The following TPP2 variants were observed in gnomAD, a reference collection of about 807,000 sequenced individuals.
TPP2 encodes tripeptidyl-peptidase 2.
Under a neutral mutation model 155.9 loss-of-function variants are expected in TPP2, and 34 were observed. The observed-to-expected ratio is 0.22, with a 90% CI of 0.17 to 0.29. The LOEUF (loss-of-function observed/expected upper bound fraction) is 0.29, where lower values mean the gene tolerates loss of function less well. TPP2 is among the 10% of genes least tolerant of loss of function. TPP2 has a pLI of 1.00. For synonymous variants in TPP2, 510 were observed against 529.4 expected, an observed-to-expected ratio of 0.96 and a Z score of 0.50; for missense variants, 1,028 against 1,522.3, an observed-to-expected ratio of 0.68 and a Z score of 5.40.
chr13:102,655,085 A>G (rs1351024619), intron 24 of TPP2: 19 of 468,504 alleles, frequency 4.1e-5, no homozygotes, highest in Non-Finnish European at 8.2e-5. Context: ...ATGGATTTAT[A>G]TGGTTATCTG....
intron 20 of TPP2, among the ~76,000 whole-genome samples, 191 bp from the exon 21 acceptor site, chr13:102,647,016 A>T (rs1448542288): frequency 2.0e-5 from 3 of 152,168 alleles, no homozygotes; most frequent in Non-Finnish European, 4.4e-5. Flanking sequence ...GTGTATTTTT[A>T]AAAGTTTGTA....
At chr13:102,677,891 G>GA (rs1885390898) in intron 29 of TPP2, among the ~76,000 whole-genome samples, 1 of 152,114 alleles carries the variant, frequency 6.6e-6, no homozygotes, top group African/African-American at 2.4e-5. Flanking sequence ...TAGTTACTCA[G>GA]AAAAAATGAA....
chr13:102,664,873 G>A lies in TPP2; in HGVS notation c.3319G>A (p.Val1107Ile), dbSNP rs766811955. ...TCATATAGATCAAACAGCCCTAGCA[G>A]TTTATATTGCAATGAAGACTGATCC... ...ISHIDQTALA[V>I]YIAMKTDPRP... Residue 1107 changes from valine to isoleucine, a missense_variant, in exon 27 of 30, where the codon GTT (valine) becomes ATT (isoleucine). Coordinates refer to ENST00000376052, the MANE Select transcript of TPP2 (RefSeq NM_001330588.2). 1.9e-6 allele frequency: 3 copies of A among 1,613,786 alleles called. No homozygotes were observed.
intron 14 of TPP2, 38 bp downstream of exon 14, chr13:102,637,277 T>C: frequency 1.3e-6 from 2 of 1,554,764 alleles, no homozygotes; most frequent in Non-Finnish European, 1.7e-6. Flanking sequence ...CTTCACTCTT[T>C]AAAATGTTTA....
chr13:102,647,448 A>T lies in TPP2; in HGVS notation c.2628+104A>T, dbSNP rs1033707418. The T allele has an allele frequency of 5.8e-5, 81 of 1,400,648 alleles. 1 individual carries two copies. Among genetic ancestry groups the T allele is most frequent in the Middle Eastern group, 5.5e-4 (3 of 5,454 alleles). 86.8% of individuals were successfully genotyped at this position (1,400,648 alleles called of 1,614,324 possible). A position where few individuals can be genotyped will look rare whatever the true frequency, so the allele number is the denominator to read the frequency against. On this transcript the variant is annotated intron_variant, in intron 21 of 29. Coordinates refer to ENST00000376052, the MANE Select transcript of TPP2 (RefSeq NM_001330588.2). ...AATGTTCATACTTTAAAAAAAACAAAAATTATAGCTTTGTGTTTAGTACTT... is the reference window on the plus strand; with the variant it reads ...AATGTTCATACTTTAAAAAAAACAATAATTATAGCTTTGTGTTTAGTACTT...
chr13:102,633,570 A>G (rs1021878767), intron 10 of TPP2, among the ~76,000 whole-genome samples: 3 of 152,170 alleles, frequency 2.0e-5, no homozygotes, highest in African/African-American at 7.2e-5. Flanking sequence ...ACAGTGCTAT[A>G]TTAGACCTTA....
At chr13:102,661,196 G>A (rs769762409) in intron 25 of TPP2, among the ~76,000 whole-genome samples, 1 of 150,754 alleles carries the variant, frequency 6.6e-6, no homozygotes, top group Non-Finnish European at 1.5e-5. Flanking sequence ...CGGCCTATTT[G>A]CAAGTTACAT....
rs1881330147 is a variant in TPP2 at position 102,623,573 on chromosome 13, C to A, written c.784+533C>A. Among the ~76,000 whole-genome samples the A allele has an allele frequency of 2.0e-5, 3 of 152,104 alleles. No individual in the cohort carries two copies. The South Asian group carries it at 6.2e-4, about 32-fold the overall frequency. ...AGCGAAACTCCATCTCAAAAAAAAT[C>A]CATCAATAGAATTTATCTCATGAAC... On this transcript the variant is annotated intron_variant, in intron 6 of 29. Transcript: ENST00000376052.
chr13:102,664,583 T>A (rs1884466128), intron 26 of TPP2, among the ~76,000 whole-genome samples: 1 of 152,200 alleles, frequency 6.6e-6, no homozygotes, highest in Middle Eastern at 3.2e-3. Context: ...AATAAGGTAT[T>A]TTTATTATGC....
At chr13:102,601,118 A>G (rs990271503) in intron 1 of TPP2, among the ~76,000 whole-genome samples, 1 of 151,980 alleles carries the variant, frequency 6.6e-6, no homozygotes, top group African/African-American at 2.4e-5. Context: ...CCTGACCTCT[A>G]TTATTTGTTG....
chr13:102,645,953 A>G (rs1202778249), intron 19 of TPP2, among the ~76,000 whole-genome samples: 3 of 149,326 alleles, frequency 2.0e-5, no homozygotes. Context: ...CACAAGGGGT[A>G]CAAATCAGAA....
intron 19 of TPP2, among the ~76,000 whole-genome samples, chr13:102,645,404 G>A (rs182144327): frequency 2.0e-5 from 3 of 152,326 alleles, no homozygotes; most frequent in Non-Finnish European, 4.4e-5. Context: ...GTAGCCTGCT[G>A]TTTGTGCCTC....
chr13:102,613,130 C>G (rs1880450726), intron 2 of TPP2, among the ~76,000 whole-genome samples: 1 of 152,188 alleles, frequency 6.6e-6, no homozygotes, highest in African/African-American at 2.4e-5. Context: ...TTTGAAATTA[C>G]ACATTCTGCA....
In TPP2 at chr13:102,651,229, C is replaced by T. The variant is rs986614031; in HGVS notation, c.2953-130C>T. ...TTCTTTAAAAGCATGCCATCTTAATCACAGACCTGAGCCTTCTAAGTGGTG... is the reference window on the plus strand; with the variant it reads ...TTCTTTAAAAGCATGCCATCTTAATTACAGACCTGAGCCTTCTAAGTGGTG... On this transcript the variant is annotated intron_variant, in intron 23 of 29. Transcript: ENST00000376052. 21 of 916,748 alleles carry T rather than the reference C, an allele frequency of 2.3e-5. No homozygotes were observed. The South Asian group carries it at 5.5e-4, about 24-fold the overall frequency. The allele number at this position is 916,748 out of a possible 1,614,324, so 56.8% of individuals were successfully genotyped here. A position where few individuals can be genotyped will look rare whatever the true frequency, so the allele number is the denominator to read the frequency against.
intron 24 of TPP2, among the ~76,000 whole-genome samples, chr13:102,655,706 C>G (rs190123576): frequency 2.6e-5 from 4 of 152,316 alleles, no homozygotes; most frequent in Non-Finnish European, 1.5e-5. Flanking sequence ...TCTGTCTCCT[C>G]CAGCCTGGAC....
At position 102,666,766 on chromosome 13, in the gene TPP2, C is replaced by CTTTTTTTTTTT; in HGVS notation, c.3371+1856_3371+1866dup. On this transcript the variant is annotated intron_variant, in intron 27 of 29. Transcript: ENST00000376052. ...TGGTCTTTATCACTGTTTTTAATCT[C>CTTTTTTTTTTT]TTTTTTTTTTTTTTTTTTTTTTTTT... is the stretch of plus-strand genomic sequence containing the variant. 7.9e-4 allele frequency among the ~76,000 whole-genome samples: 44 copies of CTTTTTTTTTTT among 55,740 alleles called. 1 individual carries two copies. The highest frequency in any genetic ancestry group is 1.1e-3 in the Non-Finnish European group (35 of 32,646). 36.6% of individuals were successfully genotyped at this position (55,740 alleles called of 152,430 possible).
At chr13:102,649,569 G>A in intron 23 of TPP2, 83 bp downstream of exon 23, 1 of 1,244,792 alleles carries the variant, frequency 8.0e-7, no homozygotes, top group East Asian at 2.5e-5. Context: ...CCACATTTCA[G>A]AATGGATAAA....
chr13:102,649,629 T>C (rs1883361151), intron 23 of TPP2, 143 bp downstream of exon 23: 1 of 650,296 alleles, frequency 1.5e-6, no homozygotes, highest in Non-Finnish European at 2.5e-6. Flanking sequence ...TTTCCCAGGT[T>C]ACTAGTGAAA....
rs185782747 is a variant in TPP2 at position 102,638,222 on chromosome 13, C to G, written c.1837-17C>G. On this transcript the variant is annotated splice_polypyrimidine_tract_variant and intron_variant, in intron 14 of 29. Transcript: ENST00000376052. ...ATTTGTTTATGGATATTGACACTTA[C>G]CGATTCTTTTTTCAAGGTATGTGGC... 1.5e-5 allele frequency: 24 copies of G among 1,609,490 alleles called. No individual in the cohort carries two copies. In the Admixed American group the frequency reaches 3.3e-4, roughly 22 times the overall value.
Sources: allele counts gnomAD v4.1 joint callset (sites outside exome capture counted in the v4.1 genomes callset), GRCh38; gene constraint gnomAD v4.1.1; transcripts MANE v1.5; gene names NCBI Gene and HGNC (gene_info 2026-07-23, HGNC 2026-07-21).